Variants in EHD4 observed in about 807,000 individuals in gnomAD.
EHD4 encodes EH domain containing 4.
In EHD4, 37 loss-of-function variants were observed where a neutral mutation model predicts 51.0. The observed-to-expected ratio is 0.73, with a 90% CI of 0.56 to 0.95. EHD4 has a LOEUF of 0.95. EHD4 is among the 40% of genes least tolerant of loss of function. The pLI is 0.00. For synonymous variants in EHD4, 297 were observed against 317.3 expected (o/e 0.94, Z 0.68); for missense variants, 632 against 733.1 (o/e 0.86, Z 1.59).
In EHD4 at chr15:41,962,993, C is replaced by G. The variant is rs111784765; in HGVS notation, c.237-9053G>C. Reference sequence around the variant, plus strand: ...GGATGCTGTTAATCTATGACTTTACCCCCAACCCCGTGCTCTCTGAAACAT... The same window carrying G: ...GGATGCTGTTAATCTATGACTTTACGCCCAACCCCGTGCTCTCTGAAACAT... On this transcript the variant is annotated intron_variant, in intron 1 of 5. Coordinates refer to ENST00000220325, the MANE Select transcript of EHD4 (RefSeq NM_139265.4). Among the ~76,000 whole-genome samples, 1,155 of 152,154 alleles carry G rather than the reference C, an allele frequency of 7.6e-3. 12 individuals carry two copies. The highest frequency in any genetic ancestry group is 0.023 in the African/African-American group (940 of 41,494).
intron 3 of EHD4, among the ~76,000 whole-genome samples, chr15:41,924,661 G>A (rs1332372171): frequency 1.3e-5 from 2 of 152,176 alleles, no homozygotes; most frequent in Non-Finnish European, 2.9e-5. Flanking sequence ...GCTGGTGAGT[G>A]GAACAGACAA....
At chr15:41,936,348 T>C (rs1566822698) in intron 3 of EHD4, among the ~76,000 whole-genome samples, 2 of 152,176 alleles carry the variant, frequency 1.3e-5, no homozygotes, top group Non-Finnish European at 2.9e-5. Flanking sequence ...CAGTCTTCTC[T>C]TCTATAAAAT....
At chr15:41,965,480 A>G (rs2067955860) in intron 1 of EHD4, among the ~76,000 whole-genome samples, 1 of 152,340 alleles carries the variant, frequency 6.6e-6, no homozygotes, top group African/African-American at 2.4e-5. Context: ...GCCCTCTTCC[A>G]TTCCTCCATT....
chr15:41,915,771 G>T (rs2067579489), intron 4 of EHD4, among the ~76,000 whole-genome samples: 1 of 152,188 alleles, frequency 6.6e-6, no homozygotes, highest in Non-Finnish European at 1.5e-5. Flanking sequence ...AATGAACCCT[G>T]ATTGGCATCT....
intron 1 of EHD4, among the ~76,000 whole-genome samples, chr15:41,970,852 A>G (rs2067990782): frequency 6.6e-6 from 1 of 152,236 alleles, no homozygotes; most frequent in African/African-American, 2.4e-5. Flanking sequence ...TATTATCCCT[A>G]GTACCTAAAA....
chr15:41,932,561 G>T (rs1055234083), intron 3 of EHD4, among the ~76,000 whole-genome samples: 1 of 152,268 alleles, frequency 6.6e-6, no homozygotes, highest in East Asian at 1.9e-4. Flanking sequence ...GTGAATGGAG[G>T]TTTCTTGAGG....
chr15:41,963,376 A>T (rs1267510171), intron 1 of EHD4, among the ~76,000 whole-genome samples: 1 of 152,066 alleles, frequency 6.6e-6, no homozygotes, highest in Non-Finnish European at 1.5e-5. Flanking sequence ...AGACAGGCAG[A>T]TCACTTGAGG....
intron 2 of EHD4, among the ~76,000 whole-genome samples, chr15:41,948,186 G>A (rs1352750704): frequency 6.6e-6 from 1 of 152,056 alleles, no homozygotes; most frequent in Non-Finnish European, 1.5e-5. Context: ...CCGGGAGGCA[G>A]AGTTTGCAGT....
chr15:41,927,531 A>G (rs919839681), intron 3 of EHD4, among the ~76,000 whole-genome samples: 4 of 152,248 alleles, frequency 2.6e-5, no homozygotes, highest in Non-Finnish European at 4.4e-5. Context: ...ATTCTGCAAT[A>G]TGCAACAACA....
rs1236188907 is a variant in EHD4, at chr15:41,899,995, T to G, written c.*650A>C. On this transcript the variant is annotated 3_prime_UTR_variant, in exon 6 of 6. Transcript: ENST00000220325. ...GCTGACCAGATGGTCATCGGGGCAC[T>G]GGGATGGAGGCACGCTGGGGCCTGA... The G allele has an allele frequency of 6.6e-6, 1 of 152,480 alleles. No homozygotes were observed. Among genetic ancestry groups the G allele is most frequent in the African/African-American group, 2.4e-5 (1 of 41,410 alleles). The allele number at this position is 152,480 out of a possible 1,614,324, so 9.4% of individuals were successfully genotyped here.
intron 3 of EHD4, among the ~76,000 whole-genome samples, chr15:41,930,254 C>T (rs1414353152): frequency 1.3e-5 from 2 of 152,226 alleles, no homozygotes; most frequent in Non-Finnish European, 2.9e-5. Context: ...GTGTCACGCA[C>T]ATGGAAATTG....
At chr15:41,959,690 G>A (rs556012655) in intron 1 of EHD4, among the ~76,000 whole-genome samples, 4 of 152,094 alleles carry the variant, frequency 2.6e-5, no homozygotes, top group South Asian at 4.2e-4. Flanking sequence ...GTTTCTGGCC[G>A]GGCACGGTGG....
chr15:41,916,650 T>C (rs906934930), intron 4 of EHD4, among the ~76,000 whole-genome samples: 2 of 152,160 alleles, frequency 1.3e-5, no homozygotes, highest in Non-Finnish European at 2.9e-5. Flanking sequence ...CGGTGGAACA[T>C]GAAACTGCAG....
intron 1 of EHD4, among the ~76,000 whole-genome samples, chr15:41,956,925 T>C (rs2067891781): frequency 6.6e-6 from 1 of 152,234 alleles, no homozygotes; most frequent in Non-Finnish European, 1.5e-5. Flanking sequence ...CTCGGAATCA[T>C]CAATGCTGGC....
chr15:41,923,420 CA>C (rs1229152568), intron 3 of EHD4, among the ~76,000 whole-genome samples: 4 of 152,226 alleles, frequency 2.6e-5, no homozygotes, highest in Non-Finnish European at 5.9e-5. Context: ...TAACTCCCAA[CA>C]TGTCATTTAG....
chr15:41,954,029 T>A, intron 1 of EHD4, 89 bp from the exon 2 acceptor site: 1 of 1,396,184 alleles, frequency 7.2e-7, no homozygotes, highest in Non-Finnish European at 9.9e-7. Context: ...TTTTTTTACA[T>A]AATCATTTAA....
At chr15:41,954,012 T>C (rs558398794) in intron 1 of EHD4, 72 bp from the exon 2 acceptor site, 7 of 1,512,270 alleles carry the variant, frequency 4.6e-6, no homozygotes, top group Admixed American at 2.1e-5. Flanking sequence ...CTGCCTGGGA[T>C]TACCAATTTT....
In EHD4 at chr15:41,972,476, G is replaced by T. The variant is rs982261896; in HGVS notation, c.19C>A (p.Arg7=). Residue 7 remains arginine, a synonymous_variant, in exon 1 of 6, where the codon CGG becomes AGG. Transcript: ENST00000220325. MFSWMG[R]QAGGRERAGG... ...GCGCGTTCGCGCCCGCCCGCCTGCC[G>T]CCCCATCCAGCTGAACATCCTGCCG... 3 of 1,535,374 alleles carry T rather than the reference G, an allele frequency of 2.0e-6. No homozygotes were observed. Among genetic ancestry groups the T allele is most frequent in the African/African-American group, 2.8e-5 (2 of 70,660 alleles).
In EHD4 at chr15:41,900,704, T is replaced by C. The variant is rs780460558; in HGVS notation, c.1567A>G (p.Ser523Gly). Reference protein sequence around the residue: ...IKLDGYELPSSLPPHLVPPSH... With the variant: ...IKLDGYELPSGLPPHLVPPSH... ...GGGGGCACGAGGTGGGGGGGCAGGCTGCTGGGCAGCTCGTAGCCGTCGAGC... is the reference window on the plus strand; with the variant it reads ...GGGGGCACGAGGTGGGGGGGCAGGCCGCTGGGCAGCTCGTAGCCGTCGAGC... The change falls in exon 6 of 6, where the codon AGC becomes GGC. Residue 523 changes from serine (S) to glycine (G), a missense_variant. Transcript: ENST00000220325. The surrounding 1 kb of genome is among the most constrained non-coding windows in gnomAD (Gnocchi z 4.8). 11 of 1,608,642 alleles carry C rather than the reference T, an allele frequency of 6.8e-6. No homozygotes were observed. Among genetic ancestry groups the C allele is most frequent in the African/African-American group, 1.3e-5 (1 of 74,892 alleles).
Sources: gnomAD v4.1 joint callset for allele counts (sites outside exome capture counted in the v4.1 genomes callset) on GRCh38, gnomAD v4.1.1 for gene constraint, Gnocchi (gnomAD v3.1) non-coding constraint, MANE v1.5 for transcripts, NCBI Gene and HGNC (gene_info 2026-07-23, HGNC 2026-07-21) for gene names.